Variants in MARCHF10 observed in about 807,000 individuals in gnomAD.
The protein encoded by MARCHF10 is membrane associated ring-CH-type finger 10.
Under a neutral mutation model 76.2 loss-of-function variants are expected in MARCHF10, and 64 were observed. That is an observed-to-expected ratio of 0.84 (90% CI 0.69 to 1.03). The LOEUF (loss-of-function observed/expected upper bound fraction) is 1.03, where lower values mean the gene tolerates loss of function less well. MARCHF10 is among the 50% of genes least tolerant of loss of function. The probability of loss-of-function intolerance (pLI) is 0.00; values close to 1 mark genes in which losing one functional copy is unlikely to be tolerated. For missense variants in MARCHF10, 875 were observed against 958.0 expected, an observed-to-expected ratio of 0.91 and a Z score of 1.14; for synonymous variants, 340 against 357.5, an observed-to-expected ratio of 0.95 and a Z score of 0.55.
intron 2 of MARCHF10, among the ~76,000 whole-genome samples, chr17:62,794,362 T>C (rs1000463329): frequency 7.2e-5 from 11 of 152,256 alleles, no homozygotes; most frequent in Admixed American, 1.3e-4. Flanking sequence ...TCCCATTTCC[T>C]GGTTTACTTC....
rs1447632478 is a variant in MARCHF10, at chr17:62,728,076, T to TCGCC, written c.1938-2976_1938-2973dup. 3.3e-5 allele frequency among the ~76,000 whole-genome samples: 5 copies of TCGCC among 152,318 alleles called. No individual in the cohort carries two copies. The East Asian group carries it at 5.8e-4, about 18-fold the overall frequency. ...CTTGCTAGAGACAGGTCTCACTCTG[T>TCGCC]CGCCCAGTGGCAATCATAGCTCACT... On this transcript the variant is annotated intron_variant, in intron 6 of 10. Coordinates refer to ENST00000311269, the MANE Select transcript of MARCHF10 (RefSeq NM_152598.4).
chr17:62,787,767 T>C lies in MARCHF10; in HGVS notation c.210+713A>G, dbSNP rs1312016685. 4.6e-5 allele frequency among the ~76,000 whole-genome samples: 7 copies of C among 152,196 alleles called. No individual in the cohort carries two copies. The East Asian group carries it at 1.4e-3, about 29-fold the overall frequency. ...ATGGATGGATAGATAGATAGATAGA[T>C]AGATAGATAAGGATAGGTGATAGAT... On this transcript the variant is annotated intron_variant, in intron 3 of 10. Transcript: ENST00000311269.
At chr17:62,784,273 CA>C (rs1448230370) in intron 3 of MARCHF10, among the ~76,000 whole-genome samples, 1 of 152,178 alleles carries the variant, frequency 6.6e-6, no homozygotes, top group Admixed American at 6.5e-5. Context: ...TGACAAAAAC[CA>C]CATGATTATC....
At chr17:62,704,126 C>T (rs914704101) in intron 10 of MARCHF10, among the ~76,000 whole-genome samples, 2 of 151,514 alleles carry the variant, frequency 1.3e-5, no homozygotes, top group Admixed American at 1.3e-4. Flanking sequence ...GCCGCAGCAA[C>T]CAGGCCGGGC....
In MARCHF10 at chr17:62,795,007, G is replaced by C. The variant is rs543345985; in HGVS notation, c.91-6408C>G. On this transcript the variant is annotated intron_variant, in intron 2 of 10. Coordinates refer to ENST00000311269, the MANE Select transcript of MARCHF10 (RefSeq NM_152598.4). ...TTTCCTGTTTTGGCTGTGAAGAGTA[G>C]AGCAACACATACCTCAAAGGTGAGC... The C allele has an allele frequency of 9.1e-5, 90 of 985,170 alleles. No individual in the cohort carries two copies. The African/African-American group carries it at 1.2e-3, about 13-fold the overall frequency. 61.0% of individuals were successfully genotyped at this position (985,170 alleles called of 1,614,324 possible). A position where few individuals can be genotyped will look rare whatever the true frequency, so the allele number is the denominator to read the frequency against.
chr17:62,737,440 G>C (rs2091323832), intron 5 of MARCHF10, 108 bp from the exon 6 acceptor site: 1 of 1,034,110 alleles, frequency 9.7e-7, no homozygotes, highest in South Asian at 1.4e-5. Flanking sequence ...ACAAGACCTA[G>C]AGAAGAAAAC....
rs60472825 is a variant in MARCHF10, at chr17:62,736,583, G to A, written c.1285C>T (p.His429Tyr). The change falls in exon 6 of 11, where the codon CAT (histidine) becomes TAT (tyrosine). Residue 429 changes from histidine to tyrosine, a missense_variant. His to Tyr is a moderately conservative substitution (Grantham distance 83, BLOSUM62 2). Coordinates refer to ENST00000311269, the MANE Select transcript of MARCHF10 (RefSeq NM_152598.4). The stretch of plus-strand genomic sequence containing the variant: ...TCAGAATCATGGGTGCCAGGCCTAT[G>A]TTCCACAGAAATACAATCACTCCAT... ...NVWSDCISVE[H>Y]RPGTHDSEGY... 5,136 of 1,614,182 alleles carry A rather than the reference G, an allele frequency of 3.2e-3. 114 individuals are homozygous for A. The African/African-American group carries it at 0.055, about 17-fold the overall frequency.
At chr17:62,730,894 A>ACAG (rs2147770038) in intron 6 of MARCHF10, among the ~76,000 whole-genome samples, 1 of 145,772 alleles carries the variant, frequency 6.9e-6, no homozygotes, top group Admixed American at 6.8e-5. Flanking sequence ...CTCCATCTCA[A>ACAG]CAACAACAAC....
intron 3 of MARCHF10, among the ~76,000 whole-genome samples, chr17:62,767,118 G>A (rs1276838445): frequency 6.6e-6 from 1 of 152,106 alleles, no homozygotes; most frequent in African/African-American, 2.4e-5. Context: ...GGAGGGTGTG[G>A]GCCAGATTGT....
At chr17:62,792,531 A>T (rs1274864595) in intron 2 of MARCHF10, among the ~76,000 whole-genome samples, 1 of 150,966 alleles carries the variant, frequency 6.6e-6, no homozygotes, top group Non-Finnish European at 1.5e-5. Context: ...CACCATCTCC[A>T]TCACCACCAC....
chr17:62,701,828 C>T, intron 10 of MARCHF10, 70 bp from the exon 11 acceptor site: 1 of 1,594,240 alleles, frequency 6.3e-7, no homozygotes, highest in Non-Finnish European at 8.6e-7. Flanking sequence ...GGGGGCACGG[C>T]ACTGCTGCTT....
intron 4 of MARCHF10, among the ~76,000 whole-genome samples, chr17:62,748,291 G>A (rs543179860): frequency 6.6e-6 from 1 of 152,230 alleles, no homozygotes; most frequent in South Asian, 2.1e-4. Flanking sequence ...CAGCTACTAC[G>A]GAGGCTGAGG....
At chr17:62,766,191 G>A (rs569915944) in intron 3 of MARCHF10, among the ~76,000 whole-genome samples, 1 of 151,930 alleles carries the variant, frequency 6.6e-6, no homozygotes, top group Non-Finnish European at 1.5e-5. Context: ...GCAAGACCCT[G>A]TCTCAAAATA....
At chr17:62,794,555 A>G (rs142532132) in intron 2 of MARCHF10, among the ~76,000 whole-genome samples, 97 of 152,304 alleles carry the variant, frequency 6.4e-4, no homozygotes, top group African/African-American at 2.3e-3. Context: ...TCAGGGTCAC[A>G]ATGAAGCCGC....
At chr17:62,755,797 C>A (rs2092022038) in intron 4 of MARCHF10, among the ~76,000 whole-genome samples, 1 of 152,288 alleles carries the variant, frequency 6.6e-6, no homozygotes, top group Middle Eastern at 3.4e-3. Flanking sequence ...GTTGTACCTG[C>A]ATTTATGTTA....
intron 5 of MARCHF10, 134 bp downstream of exon 5, chr17:62,744,242 G>A (rs2091620597): frequency 2.0e-6 from 2 of 1,001,410 alleles, no homozygotes; most frequent in Non-Finnish European, 2.9e-6. Flanking sequence ...TTTTAAAGCT[G>A]TTTCATTTTA....
chr17:62,773,651 G>A (rs1322861560), intron 3 of MARCHF10, among the ~76,000 whole-genome samples: 1 of 152,178 alleles, frequency 6.6e-6, no homozygotes, highest in East Asian at 1.9e-4. Context: ...CGGGATCCCA[G>A]GCACAGGTGG....
intron 2 of MARCHF10, among the ~76,000 whole-genome samples, chr17:62,798,616 G>A (rs1385506128): frequency 3.3e-5 from 5 of 152,136 alleles, no homozygotes; most frequent in Non-Finnish European, 7.3e-5. Context: ...TGGTCGGGCT[G>A]AAGCAGGCCA....
At chr17:62,807,333 C>T (rs1455605003) in intron 1 of MARCHF10, among the ~76,000 whole-genome samples, 1 of 149,926 alleles carries the variant, frequency 6.7e-6, no homozygotes, top group East Asian at 2.0e-4. Context: ...GGAGATCTTT[C>T]AACTCTTCCA....
Sources: allele counts gnomAD v4.1 joint callset (sites outside exome capture counted in the v4.1 genomes callset), GRCh38; gene constraint gnomAD v4.1.1; transcripts MANE v1.5; gene names NCBI Gene and HGNC (gene_info 2026-07-23, HGNC 2026-07-21).